The following PSD3 variants were observed in gnomAD, a reference collection of about 807,000 sequenced individuals.
PSD3 encodes the protein PH and SEC7 domain-containing protein 3.
PSD3 carries 49 observed loss-of-function variants against 105.5 expected under a neutral mutation model. The ratio of observed to expected loss-of-function variants is 0.46; its 90% CI spans 0.37 to 0.59. The LOEUF is 0.59. Among genes scored for constraint, PSD3 ranks in the 20% least tolerant of loss-of-function variants. The probability of loss-of-function intolerance (pLI) is 0.00; values close to 1 mark genes in which losing one functional copy is unlikely to be tolerated. For missense variants in PSD3, 1,561 were observed against 1,263.8 expected, an observed-to-expected ratio of 1.24 and a Z score of -3.57; for synonymous variants, 557 against 457.8, an observed-to-expected ratio of 1.22 and a Z score of -2.77.
chr8:18,605,285 G>A (rs181929419), intron 11 of PSD3, among the ~76,000 whole-genome samples: 5 of 152,186 alleles, frequency 3.3e-5, no homozygotes, highest in Admixed American at 6.5e-5. Context: ...TGCCCTGGAT[G>A]TTAGACATGG....
At chr8:18,793,321 TAACAA>T (rs1809904171) in intron 8 of PSD3, among the ~76,000 whole-genome samples, 1 of 107,310 alleles carries the variant, frequency 9.3e-6, no homozygotes, top group Admixed American at 9.6e-5. Flanking sequence ...TAAAGTATAA[TAACAA>T]AATAAAATAA....
intron 8 of PSD3, among the ~76,000 whole-genome samples, chr8:18,783,218 T>C (rs182366231): frequency 2.0e-5 from 3 of 152,322 alleles, no homozygotes; most frequent in Admixed American, 6.5e-5. Flanking sequence ...CAGTAGTTTT[T>C]ATCTTTCTAA....
chr8:18,548,188 G>A (rs566132869), intron 15 of PSD3, among the ~76,000 whole-genome samples: 62 of 152,062 alleles, frequency 4.1e-4, no homozygotes, highest in African/African-American at 1.4e-3. Context: ...TTGAACTTTT[G>A]TTCTTGTATT....
At chr8:18,994,698 T>C (rs1446376172) in intron 1 of PSD3, among the ~76,000 whole-genome samples, 9 of 152,020 alleles carry the variant, frequency 5.9e-5, no homozygotes, top group East Asian at 3.8e-4. Context: ...ATTACTTCCA[T>C]TGATTTCTTT....
At chr8:18,900,909 T>C (rs1819461137) in intron 2 of PSD3, among the ~76,000 whole-genome samples, 2 of 152,262 alleles carry the variant, frequency 1.3e-5, no homozygotes, top group South Asian at 2.1e-4. Flanking sequence ...CTCATTGCAA[T>C]AGCAACAACA....
At chr8:18,544,723 G>T (rs1330213911) in intron 15 of PSD3, among the ~76,000 whole-genome samples, 1 of 152,162 alleles carries the variant, frequency 6.6e-6, no homozygotes, top group African/African-American at 2.4e-5. Flanking sequence ...AGTCCAGGAG[G>T]CCTGGGTCTG....
intron 9 of PSD3, among the ~76,000 whole-genome samples, chr8:18,727,415 A>G (rs1340499249): frequency 1.3e-5 from 2 of 150,742 alleles, no homozygotes; most frequent in African/African-American, 4.9e-5. Context: ...AAGCTGAGGC[A>G]GGGAGAACTC....
At chr8:18,968,415 C>T (rs1298229244) in intron 1 of PSD3, among the ~76,000 whole-genome samples, 2 of 152,216 alleles carry the variant, frequency 1.3e-5, no homozygotes, top group Non-Finnish European at 2.9e-5. Flanking sequence ...AAACCACACA[C>T]GTTATTTCAA....
At chr8:18,594,835 A>G (rs901748883) in intron 12 of PSD3, among the ~76,000 whole-genome samples, 2 of 152,160 alleles carry the variant, frequency 1.3e-5, no homozygotes, top group African/African-American at 4.8e-5. Flanking sequence ...CATAGATTCA[A>G]CATAGTACTC....
At chr8:18,684,784 T>C (rs1005547785) in intron 9 of PSD3, among the ~76,000 whole-genome samples, 1 of 152,018 alleles carries the variant, frequency 6.6e-6, no homozygotes, top group Non-Finnish European at 1.5e-5. Context: ...TGGCACAGAG[T>C]GAGAGCAATA....
intron 4 of PSD3, chr8:18,808,796 T>A: frequency 6.2e-7 from 1 of 1,613,776 alleles, no homozygotes; most frequent in Non-Finnish European, 8.5e-7. Context: ...TCGCAACCCC[T>A]GGGGTGCGCC....
intron 4 of PSD3, among the ~76,000 whole-genome samples, chr8:18,847,635 G>A (rs1206255016): frequency 6.6e-6 from 1 of 152,176 alleles, no homozygotes; most frequent in Non-Finnish European, 1.5e-5. Context: ...TACACCATGT[G>A]AATTATTTAA....
At position 18,973,887 on chromosome 8, in the gene PSD3, T is replaced by A. The variant is rs143534753; in HGVS notation, c.22-37745A>T. On this transcript the variant is annotated intron_variant, in intron 1 of 15. Transcript: ENST00000327040. Reference sequence around the variant, plus strand: ...GCTGATCAAATCTTTCTGTCCATTCTGAGGTCGATACTGCTATTATGACCA... The same window carrying A: ...GCTGATCAAATCTTTCTGTCCATTCAGAGGTCGATACTGCTATTATGACCA... Among the ~76,000 whole-genome samples, 773 of 152,332 alleles carry A rather than the reference T, an allele frequency of 5.1e-3. 2 individuals carry two copies. The highest frequency in any genetic ancestry group is 8.9e-3 in the Non-Finnish European group (603 of 68,028).
chr8:18,757,868 T>G (rs1806188762), intron 9 of PSD3, among the ~76,000 whole-genome samples: 1 of 152,258 alleles, frequency 6.6e-6, no homozygotes, highest in Non-Finnish European at 1.5e-5. Flanking sequence ...TCTGAACTGT[T>G]GGTCATTACA....
intron 1 of PSD3, among the ~76,000 whole-genome samples, chr8:18,981,254 G>A (rs1426918): frequency 0.46 from 69,509 of 151,970 alleles, 16,369 homozygotes; most frequent in Non-Finnish European, 0.53. Context: ...TTCAAGACAT[G>A]TAAAAATCAG....
chr8:18,620,340 G>GTCTTT (rs1806015262), intron 11 of PSD3, among the ~76,000 whole-genome samples: 1 of 106,162 alleles, frequency 9.4e-6, no homozygotes, highest in Non-Finnish European at 1.9e-5. Flanking sequence ...TCTTGGGTTT[G>GTCTTT]TGTTTTTTTT....
intron 8 of PSD3, among the ~76,000 whole-genome samples, chr8:18,783,603 C>T (rs1808846032): frequency 6.6e-6 from 1 of 152,066 alleles, no homozygotes; most frequent in African/African-American, 2.4e-5. Context: ...CAGCTGTATA[C>T]CATAAGTTTT....
chr8:18,649,957 C>T (rs757957972), intron 10 of PSD3, among the ~76,000 whole-genome samples: 5 of 152,258 alleles, frequency 3.3e-5, no homozygotes, highest in Non-Finnish European at 7.4e-5. Flanking sequence ...ACTTCCTGTA[C>T]GGCCTGAAGA....
chr8:18,797,961 G>T (rs1810334519), intron 8 of PSD3, among the ~76,000 whole-genome samples: 1 of 152,096 alleles, frequency 6.6e-6, no homozygotes, highest in Admixed American at 6.6e-5. Context: ...GGCCAGAAAG[G>T]CTAAGGAAAA....
Sources: allele counts gnomAD v4.1 joint callset (sites outside exome capture counted in the v4.1 genomes callset), GRCh38; gene constraint gnomAD v4.1.1; transcripts MANE v1.5; gene names NCBI Gene and HGNC (gene_info 2026-07-23, HGNC 2026-07-21).